The following ARHGEF26 variants were observed in gnomAD, a reference collection of about 807,000 sequenced individuals.
ARHGEF26 encodes Rho guanine nucleotide exchange factor (GEF) 26.
In ARHGEF26, 59 loss-of-function variants were observed where a neutral mutation model predicts 89.4. The observed-to-expected ratio is 0.66, with a 90% CI of 0.54 to 0.82. The LOEUF (loss-of-function observed/expected upper bound fraction) is 0.82. Ranked by LOEUF, ARHGEF26 falls within the 40% of genes least tolerant of loss-of-function variation. The pLI, the probability that ARHGEF26 is intolerant of heterozygous loss-of-function variation, is 0.00. For synonymous variants in ARHGEF26, 500 were observed against 428.4 expected (o/e 1.17, Z -2.06); for missense variants, 1,234 against 1,085.6 (o/e 1.14, Z -1.92).
chr3:154,254,537 C>G (rs904819175), intron 13 of ARHGEF26, among the ~76,000 whole-genome samples, 183 bp from the exon 14 acceptor site: 27 of 152,152 alleles, frequency 1.8e-4, no homozygotes, highest in Admixed American at 1.7e-3. Context: ...TTCTAAAATT[C>G]TAAAGCTTAT....
intron 2 of ARHGEF26, among the ~76,000 whole-genome samples, chr3:154,123,919 C>CAG (rs3029655): frequency 0.97 from 147,069 of 152,262 alleles, 71,119 homozygotes; most frequent in East Asian, 1. Context: ...AGCAATAAGG[C>CAG]AGATTCTTTT....
At chr3:154,181,286 ATATTT>A (rs1394453489) in intron 6 of ARHGEF26, among the ~76,000 whole-genome samples, 2 of 152,198 alleles carry the variant, frequency 1.3e-5, no homozygotes, top group Non-Finnish European at 2.9e-5. Flanking sequence ...TTTAGGGAAG[ATATTT>A]TATTATATAA....
intron 6 of ARHGEF26, among the ~76,000 whole-genome samples, chr3:154,184,194 G>C (rs980611078): frequency 2.6e-5 from 4 of 152,120 alleles, no homozygotes; most frequent in South Asian, 2.1e-4. Context: ...GGATGGTCTC[G>C]ATCTCCTGAC....
chr3:154,129,303 T>A (rs1380515268), intron 3 of ARHGEF26, among the ~76,000 whole-genome samples: 3 of 152,226 alleles, frequency 2.0e-5, no homozygotes, highest in Non-Finnish European at 2.9e-5. Flanking sequence ...CAGGCCTGAC[T>A]GTCCTTCATG....
intron 9 of ARHGEF26, among the ~76,000 whole-genome samples, chr3:154,197,742 A>G (rs1383659512): frequency 6.6e-6 from 1 of 152,198 alleles, no homozygotes; most frequent in Non-Finnish European, 1.5e-5. Flanking sequence ...CAACATTTCT[A>G]TAAAATGAAA....
rs566147936 is a variant in ARHGEF26 at position 154,189,867 on chromosome 3, A to G, written c.1641-1422A>G. ...TTTTAACTTTCTAAAAATCTTGTCAAAGCTATCAGTAAAAGGAAACTTAAA... is the reference window on the plus strand; with the variant it reads ...TTTTAACTTTCTAAAAATCTTGTCAGAGCTATCAGTAAAAGGAAACTTAAA... On this transcript the variant is annotated intron_variant, in intron 7 of 14. Coordinates refer to ENST00000465093, the MANE Select transcript of ARHGEF26 (RefSeq NM_015595.4). Among the ~76,000 whole-genome samples, 22 of 152,098 alleles carry G rather than the reference A, an allele frequency of 1.4e-4. No individual in the cohort carries two copies. The East Asian group carries it at 4.1e-3, about 28-fold the overall frequency.
At chr3:154,240,678 A>T (rs959313551) in intron 12 of ARHGEF26, 99 bp downstream of exon 12, 38 of 1,139,194 alleles carry the variant, frequency 3.3e-5, no homozygotes, top group Middle Eastern at 2.8e-4. Context: ...GCTACTATTC[A>T]TGTTTTTGTT....
At chr3:154,194,563 A>G in intron 8 of ARHGEF26, 81 bp from the exon 9 acceptor site, 2 of 1,026,696 alleles carry the variant, frequency 1.9e-6, no homozygotes, top group Non-Finnish European at 3.0e-6. Context: ...TGCTATGAGT[A>G]AAAGGATATG....
chr3:154,169,669 G>A (rs1008420313), intron 6 of ARHGEF26, among the ~76,000 whole-genome samples: 23 of 152,152 alleles, frequency 1.5e-4, no homozygotes, highest in Non-Finnish European at 2.4e-4. Flanking sequence ...TGCTGTTGGC[G>A]TGAGTTCAAT....
intron 13 of ARHGEF26, among the ~76,000 whole-genome samples, chr3:154,254,223 G>C (rs1576836697): frequency 6.6e-6 from 1 of 152,164 alleles, no homozygotes; most frequent in South Asian, 2.1e-4. Flanking sequence ...CCACATGTCA[G>C]CATTTCTGAG....
intron 11 of ARHGEF26, among the ~76,000 whole-genome samples, chr3:154,233,259 A>G (rs1369263273): frequency 6.6e-6 from 1 of 152,194 alleles, no homozygotes; most frequent in Non-Finnish European, 1.5e-5. Context: ...CTAAAACCAA[A>G]TTGAAATGGA....
intron 6 of ARHGEF26, among the ~76,000 whole-genome samples, chr3:154,155,792 A>G (rs1352377916): frequency 3.9e-5 from 6 of 151,938 alleles, no homozygotes; most frequent in African/African-American, 1.4e-4. Context: ...TGTAAAGATC[A>G]TCACTCTAAG....
chr3:154,221,028 T>A (rs973188419), intron 10 of ARHGEF26, among the ~76,000 whole-genome samples: 2 of 151,782 alleles, frequency 1.3e-5, no homozygotes, highest in Non-Finnish European at 2.9e-5. Context: ...TACCAGAAGC[T>A]GGGGGAGAGG....
intron 6 of ARHGEF26, among the ~76,000 whole-genome samples, chr3:154,179,472 T>C (rs942512845): frequency 6.6e-6 from 1 of 152,120 alleles, no homozygotes; most frequent in Non-Finnish European, 1.5e-5. Context: ...TGCTCCACAG[T>C]TGTGTGTGCA....
chr3:154,127,390 T>C (rs986107108), intron 3 of ARHGEF26, among the ~76,000 whole-genome samples: 20 of 152,192 alleles, frequency 1.3e-4, no homozygotes, highest in African/African-American at 4.8e-4. Context: ...TCATTTTTAC[T>C]TTTTAAATTC....
At chr3:154,150,538 T>G (rs1480415361) in intron 5 of ARHGEF26, among the ~76,000 whole-genome samples, 2 of 152,230 alleles carry the variant, frequency 1.3e-5, no homozygotes, top group South Asian at 4.1e-4. Context: ...TTTTTGAGAT[T>G]ATTCATGTTA....
chr3:154,126,631 T>G (rs1446803465), intron 3 of ARHGEF26, among the ~76,000 whole-genome samples: 1 of 152,226 alleles, frequency 6.6e-6, no homozygotes, highest in Non-Finnish European at 1.5e-5. Flanking sequence ...TCAATCCTTT[T>G]GTACTCAGGG....
At chr3:154,137,986 C>T (rs1278096307) in intron 4 of ARHGEF26, among the ~76,000 whole-genome samples, 1 of 152,080 alleles carries the variant, frequency 6.6e-6, no homozygotes, top group Non-Finnish European at 1.5e-5. Flanking sequence ...TTTAAGGAAA[C>T]AATATAGATT....
chr3:154,183,447 C>T (rs1713306245), intron 6 of ARHGEF26, among the ~76,000 whole-genome samples: 1 of 152,164 alleles, frequency 6.6e-6, no homozygotes, highest in Admixed American at 6.5e-5. Context: ...TTGTCCTCCT[C>T]GTAAGCCAAA....
Sources: gnomAD v4.1 joint callset for allele counts (sites outside exome capture counted in the v4.1 genomes callset) on GRCh38, gnomAD v4.1.1 for gene constraint, MANE v1.5 for transcripts, NCBI Gene and HGNC (gene_info 2026-07-23, HGNC 2026-07-21) for gene names.